Variants in PLCB1 observed in about 807,000 individuals in gnomAD.
The protein encoded by PLCB1 is phospholipase C beta 1, also known as 1-phosphatidylinositol 4,5-bisphosphate phosphodiesterase beta-1.
PLCB1 carries 46 observed loss-of-function variants against 161.8 expected under a neutral mutation model. That is an observed-to-expected ratio of 0.28 (90% confidence interval 0.22 to 0.36). The LOEUF is 0.36. Among genes scored for constraint, PLCB1 ranks in the 10% least tolerant of loss-of-function variants. The pLI is 1.00. For synonymous variants in PLCB1, 517 were observed against 503.7 expected, an observed-to-expected ratio of 1.03 and a Z score of -0.35; for missense variants, 1,016 against 1,472.5, an observed-to-expected ratio of 0.69 and a Z score of 5.07.
chr20:8,590,470 G>A (rs1338561652), intron 3 of PLCB1, among the ~76,000 whole-genome samples: 1 of 151,574 alleles, frequency 6.6e-6, no homozygotes, highest in East Asian at 1.9e-4. Context: ...TGTTGTTGTT[G>A]TTGCTATTTC....
At chr20:8,406,292 T>A (rs889066027) in intron 3 of PLCB1, among the ~76,000 whole-genome samples, 13 of 152,230 alleles carry the variant, frequency 8.5e-5, no homozygotes, top group African/African-American at 3.1e-4. Context: ...TAAACTTTAC[T>A]GGATGTAATG....
intron 31 of PLCB1, among the ~76,000 whole-genome samples, chr20:8,819,908 G>A (rs1042218636): frequency 6.6e-6 from 1 of 151,642 alleles, no homozygotes; most frequent in Non-Finnish European, 1.5e-5. Flanking sequence ...CACTTCCTCA[G>A]ATATGCCAGT....
At chr20:8,378,641 T>A (rs1255364044) in intron 3 of PLCB1, among the ~76,000 whole-genome samples, 1 of 152,220 alleles carries the variant, frequency 6.6e-6, no homozygotes, top group Non-Finnish European at 1.5e-5. Context: ...TGACAATTTC[T>A]TAAAATAAGA....
At chr20:8,190,021 G>A (rs1175162807) in intron 2 of PLCB1, among the ~76,000 whole-genome samples, 2 of 152,032 alleles carry the variant, frequency 1.3e-5, no homozygotes, top group South Asian at 2.1e-4. Flanking sequence ...TGAATTAATG[G>A]CAAACTTATG....
rs192915259 is a variant in PLCB1, at chr20:8,713,320, T to G, written c.1251-2944T>G. Among the ~76,000 whole-genome samples, 560 of 152,250 alleles carry G rather than the reference T, an allele frequency of 3.7e-3. 5 individuals carry two copies. The highest frequency in any genetic ancestry group is 6.8e-3 in the Middle Eastern group (2 of 294). On this transcript the variant is annotated intron_variant, in intron 12 of 31. Coordinates refer to ENST00000338037, the MANE Select transcript of PLCB1 (RefSeq NM_015192.4). ...TCTCCTGCCTCCTAAGTAGCTGGTA[T>G]TACAGGCACGCACCACCACAACTGG... is the stretch of plus-strand genomic sequence containing the variant.
chr20:8,292,564 C>A (rs1009241169), intron 2 of PLCB1, among the ~76,000 whole-genome samples: 2 of 152,094 alleles, frequency 1.3e-5, no homozygotes, highest in African/African-American at 4.8e-5. Flanking sequence ...TCCCATGAAG[C>A]TCTTTGAAGG....
chr20:8,672,149 T>A (rs1399631053), intron 9 of PLCB1, among the ~76,000 whole-genome samples: 1 of 152,186 alleles, frequency 6.6e-6, no homozygotes, highest in Non-Finnish European at 1.5e-5. Context: ...CACTTATGAA[T>A]TGTATAACCT....
At chr20:8,220,090 T>C (rs752421615) in intron 2 of PLCB1, among the ~76,000 whole-genome samples, 3 of 152,200 alleles carry the variant, frequency 2.0e-5, no homozygotes, top group Non-Finnish European at 2.9e-5. Context: ...GTTAAAGTTA[T>C]ACATTCTAGA....
Position 8,831,912 on chromosome 20 carries a change from C to CTTTCTT in PLCB1, c.3423+41652_3423+41653insTTCTTT, listed in dbSNP as rs1322579258. On this transcript the variant is annotated intron_variant, in intron 31 of 31. Transcript: ENST00000338037. ...TCTTTCTTTCTCCCTCTCTTTCTTT[C>CTTTCTT]TCTTTCTTTCTTTCTTTCTTTCTTT... is the stretch of plus-strand genomic sequence containing the variant. Among the ~76,000 whole-genome samples, 123 of 58,670 alleles carry CTTTCTT rather than the reference C, an allele frequency of 2.1e-3. 16 individuals are homozygous for CTTTCTT. Among genetic ancestry groups the CTTTCTT allele is most frequent in the East Asian group, 6.5e-3 (11 of 1,696 alleles). The allele number at this position is 58,670 out of a possible 152,430, so 38.5% of individuals were successfully genotyped here.
At chr20:8,684,229 A>ATTTAT (rs1555783088) in intron 9 of PLCB1, among the ~76,000 whole-genome samples, 3 of 145,148 alleles carry the variant, frequency 2.1e-5, no homozygotes, top group Admixed American at 1.4e-4. Flanking sequence ...CCACTTGTAA[A>ATTTAT]TTATTTATTT....
chr20:8,556,659 GTGTGTGTGT>G (rs1568506597), intron 3 of PLCB1, among the ~76,000 whole-genome samples: 88 of 8,014 alleles, frequency 0.011, 1 homozygote, highest in East Asian at 0.042. Flanking sequence ...AGGGTTGGGT[GTGTGTGTGT>G]GTGTGTGTGT....
chr20:8,315,833 G>A (rs1302332568), intron 2 of PLCB1, among the ~76,000 whole-genome samples: 1 of 152,148 alleles, frequency 6.6e-6, no homozygotes, highest in Non-Finnish European at 1.5e-5. Flanking sequence ...GATGCTGAGG[G>A]CAAAGGGCAA....
intron 3 of PLCB1, among the ~76,000 whole-genome samples, chr20:8,395,799 G>T (rs1987753251): frequency 6.6e-6 from 1 of 151,588 alleles, no homozygotes; most frequent in African/African-American, 2.4e-5. Flanking sequence ...GGTGTGACTA[G>T]AAATCTGTTT....
intron 2 of PLCB1, among the ~76,000 whole-genome samples, chr20:8,173,602 G>A (rs1396586208): frequency 1.3e-5 from 2 of 152,170 alleles, no homozygotes. Context: ...ACAACTGAAA[G>A]TTGCTCATCA....
At chr20:8,663,381 T>C (rs1402075795) in intron 9 of PLCB1, among the ~76,000 whole-genome samples, 2 of 152,060 alleles carry the variant, frequency 1.3e-5, no homozygotes, top group Non-Finnish European at 2.9e-5. Context: ...ACATAAAAGA[T>C]AGACTTGAAA....
intron 3 of PLCB1, among the ~76,000 whole-genome samples, chr20:8,516,992 T>C (rs1984156110): frequency 6.6e-6 from 1 of 152,054 alleles, no homozygotes; most frequent in Non-Finnish European, 1.5e-5. Context: ...TATGCCAGAT[T>C]TCACAAGGAG....
intron 2 of PLCB1, among the ~76,000 whole-genome samples, chr20:8,249,999 T>C (rs1009419114): frequency 1.3e-5 from 2 of 151,950 alleles, no homozygotes; most frequent in South Asian, 4.1e-4. Flanking sequence ...TTTACTGTCA[T>C]TGTTTTAGGT....
chr20:8,533,803 A>T (rs1159629802), intron 3 of PLCB1, among the ~76,000 whole-genome samples: 2 of 151,800 alleles, frequency 1.3e-5, no homozygotes, highest in Non-Finnish European at 2.9e-5. Context: ...ATTTTCTCCC[A>T]TTTTGTAGGT....
chr20:8,457,755 C>T (rs1981390542), intron 3 of PLCB1, among the ~76,000 whole-genome samples: 1 of 150,884 alleles, frequency 6.6e-6, no homozygotes, highest in African/African-American at 2.4e-5. Flanking sequence ...CACGTACACA[C>T]CATCTTGCCT....
Sources: allele counts gnomAD v4.1 joint callset (sites outside exome capture counted in the v4.1 genomes callset), GRCh38; gene constraint gnomAD v4.1.1; transcripts MANE v1.5; gene names NCBI Gene and HGNC (gene_info 2026-07-23, HGNC 2026-07-21).